RYR2: variants seen among roughly 807,000 people sequenced by gnomAD.
RYR2 encodes the protein cardiac muscle ryanodine receptor-calcium release channel.
RYR2 carries 227 observed loss-of-function variants against 601.1 expected under a neutral mutation model. The ratio of observed to expected loss-of-function variants is 0.38; its 90% CI spans 0.34 to 0.42. The LOEUF is 0.42. Ranked by LOEUF, RYR2 falls within the 10% of genes least tolerant of loss-of-function variation. The pLI is 1.00. For missense variants in RYR2, 4,646 were observed against 6,156.5 expected, an observed-to-expected ratio of 0.75 and a Z score of 8.21; for synonymous variants, 2,223 against 2,175.1, an observed-to-expected ratio of 1.02 and a Z score of -0.61.
intron 1 of RYR2, among the ~76,000 whole-genome samples, chr1:237,143,023 T>C (rs944961014): frequency 2.0e-5 from 3 of 152,212 alleles, no homozygotes; most frequent in Non-Finnish European, 4.4e-5. Context: ...GAAGGTTCAG[T>C]AGTTCCTCGG....
rs541585624 is a variant in RYR2, at chr1:237,300,168, G to C, written c.168+29552G>C. ...TAATATAGGGGAGTGCTGTAACATGGGAAGACTGACTTAGTATTATTGAGA... is the reference window on the plus strand; with the variant it reads ...TAATATAGGGGAGTGCTGTAACATGCGAAGACTGACTTAGTATTATTGAGA... On this transcript the variant is annotated intron_variant, in intron 2 of 104. Coordinates refer to ENST00000366574, the MANE Select transcript of RYR2 (RefSeq NM_001035.3). 3.9e-5 allele frequency among the ~76,000 whole-genome samples: 6 copies of C among 152,186 alleles called. No homozygotes were observed. The Middle Eastern group carries it at 0.017, about 431-fold the overall frequency.
intron 27 of RYR2, among the ~76,000 whole-genome samples, chr1:237,553,392 A>G (rs1480546543): frequency 6.6e-6 from 1 of 151,974 alleles, no homozygotes; most frequent in East Asian, 1.9e-4. Flanking sequence ...AAGTCAGTCT[A>G]TTTCTGGACT....
chr1:237,623,909 G>A (rs369970885), intron 39 of RYR2, 39 bp downstream of exon 39: 1 of 1,347,402 alleles, frequency 7.4e-7, no homozygotes, highest in African/African-American at 1.4e-5. Context: ...TTAATTGTAT[G>A]TTTTTAATCC....
rs71561863 is a variant in RYR2 at position 237,278,245 on chromosome 1, ATTTTTTTTTTTT to A, written c.168+7644_168+7655del. ...ACTACTATGCCCAGCTAATTTTTGT[ATTTTTTTTTTTT>A]TTTTTTTTTTTTTTGTAGAGATAGG... On this transcript the variant is annotated intron_variant, in intron 2 of 104. Transcript: ENST00000366574. Among the ~76,000 whole-genome samples, 78 of 67,020 alleles carry A rather than the reference ATTTTTTTTTTTT, an allele frequency of 1.2e-3. 2 individuals are homozygous for A. Among genetic ancestry groups the A allele is most frequent in the Non-Finnish European group, 1.9e-3 (70 of 37,560 alleles). The allele number at this position is 67,020 out of a possible 152,430, so 44.0% of individuals were successfully genotyped here.
intron 24 of RYR2, among the ~76,000 whole-genome samples, chr1:237,523,510 G>A (rs1667286721): frequency 6.6e-6 from 1 of 152,158 alleles, no homozygotes; most frequent in African/African-American, 2.4e-5. Flanking sequence ...TGAGTTGGGT[G>A]GCTCACTTGA....
intron 62 of RYR2, among the ~76,000 whole-genome samples, chr1:237,685,722 G>C (rs1686328213): frequency 2.6e-5 from 4 of 152,076 alleles, no homozygotes; most frequent in Admixed American, 2.6e-4. Flanking sequence ...AAGGGCACGT[G>C]GACAAAGTTT....
chr1:237,529,760 T>TACACAC (rs71561882), intron 24 of RYR2, among the ~76,000 whole-genome samples: 38,686 of 134,288 alleles, frequency 0.29, 5,835 homozygotes, highest in East Asian at 0.44. Context: ...AATAATATCA[T>TACACAC]ACACACACAC....
intron 42 of RYR2, 72 bp downstream of exon 42, chr1:237,631,613 ATTTTTTT>A (rs556269614): frequency 5.9e-4 from 123 of 208,478 alleles, no homozygotes; most frequent in African/African-American, 1.2e-3. Flanking sequence ...TAGAATGCAG[ATTTTTTT>A]TTTTTTTTTT....
At chr1:237,483,456 A>T (rs187024386) in intron 17 of RYR2, among the ~76,000 whole-genome samples, 2 of 152,316 alleles carry the variant, frequency 1.3e-5, no homozygotes, top group African/African-American at 2.4e-5. Flanking sequence ...GAGCACAGAG[A>T]TGTTAAATAG....
intron 29 of RYR2, among the ~76,000 whole-genome samples, chr1:237,589,385 G>A (rs1674896668): frequency 6.6e-6 from 1 of 152,148 alleles, no homozygotes; most frequent in Admixed American, 6.5e-5. Flanking sequence ...AGAAGGAGGA[G>A]CAAGGCAAGT....
At chr1:237,696,449 T>G (rs2149009657) in intron 63 of RYR2, among the ~76,000 whole-genome samples, 1 of 152,256 alleles carries the variant, frequency 6.6e-6, no homozygotes, top group East Asian at 1.9e-4. Flanking sequence ...GCTGGCTAGT[T>G]TCATTGAGAC....
intron 33 of RYR2, 54 bp from the exon 34 acceptor site, chr1:237,595,444 C>T: frequency 6.3e-7 from 1 of 1,587,972 alleles, no homozygotes; most frequent in Middle Eastern, 1.7e-4. Flanking sequence ...GATATACCTG[C>T]TTTCTCTTTT....
chr1:237,632,389 CTTT>C (rs11448751), intron 42 of RYR2, among the ~76,000 whole-genome samples: 2 of 127,368 alleles, frequency 1.6e-5, no homozygotes, highest in Admixed American at 8.2e-5. Context: ...AAAGTGAATT[CTTT>C]TTTTTTTTTT....
intron 34 of RYR2, among the ~76,000 whole-genome samples, chr1:237,599,129 A>G (rs1676214876): frequency 6.6e-6 from 1 of 152,220 alleles, no homozygotes; most frequent in South Asian, 2.1e-4. Context: ...AGGAAATTGT[A>G]TCAATAATGA....
chr1:237,398,546 C>T (rs185518187), intron 10 of RYR2, among the ~76,000 whole-genome samples: 10 of 152,218 alleles, frequency 6.6e-5, no homozygotes, highest in Admixed American at 5.9e-4. Context: ...CAAATTAAGA[C>T]CACAATGAGA....
chr1:237,557,647 G>A (rs1671043775), intron 27 of RYR2, among the ~76,000 whole-genome samples: 1 of 151,928 alleles, frequency 6.6e-6, no homozygotes, highest in Admixed American at 6.6e-5. Flanking sequence ...GATGAGGACA[G>A]CAGTTTGGTG....
At position 237,380,415 on chromosome 1, in the gene RYR2, TA is replaced by T. The variant is rs1468973901; in HGVS notation, c.576+2981del. ...ATATATATATATATATATATATATA[TA>T]TATATAGTAAATACGAAGTCTGGTG... On this transcript the variant is annotated intron_variant, in intron 8 of 104. Coordinates refer to ENST00000366574, the MANE Select transcript of RYR2 (RefSeq NM_001035.3). Among the ~76,000 whole-genome samples the T allele has an allele frequency of 7.2e-4, 33 of 45,566 alleles. 2 individuals carry two copies. The highest frequency in any genetic ancestry group is 2.4e-3 in the African/African-American group (32 of 13,238). 29.9% of individuals were successfully genotyped at this position (45,566 alleles called of 152,430 possible).
chr1:237,715,817 G>A (rs1442188498), intron 71 of RYR2, among the ~76,000 whole-genome samples: 2 of 151,960 alleles, frequency 1.3e-5, no homozygotes, highest in Non-Finnish European at 2.9e-5. Flanking sequence ...ATATCAATTT[G>A]CTTAATTTTT....
chr1:237,126,525 G>A (rs1356479463), intron 1 of RYR2, among the ~76,000 whole-genome samples: 1 of 152,106 alleles, frequency 6.6e-6, no homozygotes, highest in Non-Finnish European at 1.5e-5. Context: ...CTTTCTCAGA[G>A]CTCCACTGCA....
Sources: gnomAD v4.1 joint callset for allele counts (sites outside exome capture counted in the v4.1 genomes callset) on GRCh38, gnomAD v4.1.1 for gene constraint, MANE v1.5 for transcripts, NCBI Gene and HGNC (gene_info 2026-07-23, HGNC 2026-07-21) for gene names.